NLGN4X: variants seen among roughly 807,000 people sequenced by gnomAD.
NLGN4X encodes neuroligin 4 X-linked.
NLGN4X carries 3 observed loss-of-function variants against 40.3 expected under a neutral mutation model. The observed-to-expected ratio is 0.07, with a 90% confidence interval of 0.03 to 0.19. The LOEUF (loss-of-function observed/expected upper bound fraction) is 0.19, where lower values mean the gene tolerates loss of function less well. Among genes scored for constraint, NLGN4X ranks in the 10% least tolerant of loss-of-function variants. The probability of loss-of-function intolerance (pLI) is 1.00; values close to 1 mark genes in which losing one functional copy is unlikely to be tolerated. For synonymous variants in NLGN4X, 270 were observed against 306.8 expected (o/e 0.88, Z 1.25); for missense variants, 382 against 708.3 (o/e 0.54, Z 5.23).
At chrX:6,045,745 T>C (rs750636651) in intron 2 of NLGN4X, among the ~76,000 whole-genome samples, 1 of 111,919 alleles carries the variant, frequency 8.9e-6, no homozygotes, top group South Asian at 3.7e-4. Flanking sequence ...TATCAACAAA[T>C]AGGAAAAGAA....
chrX:6,050,655 T>A (rs1234300672), intron 2 of NLGN4X, among the ~76,000 whole-genome samples: 1 of 111,644 alleles, frequency 9.0e-6, no homozygotes, highest in Non-Finnish European at 1.9e-5. Flanking sequence ...TCCATCGATC[T>A]ATCATCTATC....
At chrX:6,201,979 G>A (rs776165451) in intron 1 of NLGN4X, among the ~76,000 whole-genome samples, 5 of 111,538 alleles carry the variant, frequency 4.5e-5, no homozygotes, top group Non-Finnish European at 5.6e-5. Flanking sequence ...TTTAGGGAGC[G>A]ACAGTAACTG....
At chrX:5,958,338 T>A (rs2034561425) in intron 3 of NLGN4X, among the ~76,000 whole-genome samples, 1 of 107,904 alleles carries the variant, frequency 9.3e-6, no homozygotes, top group African/African-American at 3.7e-5. Flanking sequence ...CATCTTTTTG[T>A]TAAAAAAAAA....
intron 3 of NLGN4X, among the ~76,000 whole-genome samples, chrX:5,997,563 T>C (rs2035852906): frequency 2.4e-5 from 1 of 41,276 alleles, no homozygotes; most frequent in African/African-American, 9.9e-5. Context: ...TATATAAAAT[T>C]ACATGTGTGT....
chrX:6,106,856 G>A (rs776332172), intron 2 of NLGN4X, among the ~76,000 whole-genome samples: 51 of 111,849 alleles, frequency 4.6e-4, no homozygotes, highest in African/African-American at 1.6e-3. Context: ...AGGAATCAGC[G>A]GTTATGTCAA....
chrX:5,946,899 T>G (rs2034142195), intron 3 of NLGN4X, among the ~76,000 whole-genome samples: 1 of 111,609 alleles, frequency 9.0e-6, no homozygotes, highest in Admixed American at 9.6e-5. Flanking sequence ...TTCTCATCTT[T>G]AGCTCCCACT....
intron 4 of NLGN4X, among the ~76,000 whole-genome samples, chrX:5,906,204 T>C (rs188784899): frequency 1.4e-3 from 156 of 112,244 alleles, no homozygotes; most frequent in African/African-American, 4.8e-3. Context: ...AAAAATGCCA[T>C]AGAAATCTCT....
intron 3 of NLGN4X, among the ~76,000 whole-genome samples, chrX:6,011,478 T>G (rs1391263964): frequency 9.0e-6 from 1 of 110,694 alleles, no homozygotes; most frequent in African/African-American, 3.3e-5. Context: ...TTCTTTATAA[T>G]GGCCATTTTT....
intron 1 of NLGN4X, among the ~76,000 whole-genome samples, chrX:6,199,971 TC>T (rs1923447652): frequency 8.9e-6 from 1 of 112,000 alleles, no homozygotes; most frequent in African/African-American, 3.2e-5. Context: ...ATGAAAGACA[TC>T]CTTCCCTCAG....
intron 2 of NLGN4X, among the ~76,000 whole-genome samples, chrX:6,112,146 A>G (rs1286230783): frequency 8.9e-6 from 1 of 111,866 alleles, no homozygotes; most frequent in East Asian, 2.8e-4. Flanking sequence ...ATTATTTCCT[A>G]CAATCTGTTG....
At chrX:6,036,142 A>G (rs1174163764) in intron 2 of NLGN4X, among the ~76,000 whole-genome samples, 1 of 111,538 alleles carries the variant, frequency 9.0e-6, no homozygotes, top group Non-Finnish European at 1.9e-5. Context: ...CTTGATTACT[A>G]TATCTTTATA....
At chrX:6,194,976 GTTA>G (rs1922908331) in intron 1 of NLGN4X, among the ~76,000 whole-genome samples, 1 of 110,954 alleles carries the variant, frequency 9.0e-6, no homozygotes, top group Admixed American at 9.6e-5. Context: ...AGTAATAATA[GTTA>G]TTTTTTTATT....
At chrX:6,141,736 T>C (rs1382079932) in intron 2 of NLGN4X, among the ~76,000 whole-genome samples, 1 of 110,958 alleles carries the variant, frequency 9.0e-6, no homozygotes, top group Non-Finnish European at 1.9e-5. Context: ...GGAGAATCAC[T>C]TGAACCTGGG....
At chrX:6,002,215 A>T (rs1481125051) in intron 3 of NLGN4X, among the ~76,000 whole-genome samples, 1 of 112,233 alleles carries the variant, frequency 8.9e-6, no homozygotes, top group Non-Finnish European at 1.9e-5. Context: ...AGTATGTGTG[A>T]TAAGGAGTGC....
rs779801167 is a variant in NLGN4X, at chrX:5,989,100, A to T, written c.625+40180T>A. 1.9e-3 allele frequency among the ~76,000 whole-genome samples: 183 copies of T among 96,929 alleles called. 1 individual carries two copies. The highest frequency in any genetic ancestry group is 4.9e-3 in the Middle Eastern group (1 of 203). 84.2% of individuals were successfully genotyped at this position (96,929 alleles called of 115,157 possible). ...TAAAAAAAATAAAAAAAATAAAAAA[A>T]AAAATAAAAAAGAGTTAGTTGAAAC... On this transcript the variant is annotated intron_variant, in intron 3 of 5. Transcript: ENST00000381095.
chrX:6,075,368 C>T (rs981443180), intron 2 of NLGN4X, among the ~76,000 whole-genome samples: 1 of 111,677 alleles, frequency 9.0e-6, no homozygotes, highest in Admixed American at 9.4e-5. Context: ...GAAGATGCAA[C>T]CTGATGCTAT....
At chrX:6,133,061 T>C (rs1354845531) in intron 2 of NLGN4X, among the ~76,000 whole-genome samples, 2 of 111,464 alleles carry the variant, frequency 1.8e-5, no homozygotes, top group Non-Finnish European at 3.8e-5. Context: ...ATTATCGCCA[T>C]AAATTATCAT....
intron 1 of NLGN4X, among the ~76,000 whole-genome samples, chrX:6,191,560 C>T (rs1922538057): frequency 9.0e-6 from 1 of 111,343 alleles, no homozygotes. Context: ...ACTAAAAATA[C>T]AAAAATTAGC....
rs376205061 is a variant in NLGN4X, at chrX:6,112,745, G to A, written c.472+38250C>T. On this transcript the variant is annotated intron_variant, in intron 2 of 5. Coordinates refer to ENST00000381095, the MANE Select transcript of NLGN4X (RefSeq NM_181332.3). Reference sequence around the variant, plus strand: ...ATTACAGGTGTGAGCCACCACACCCGGCCTCCTGCTTTCTTAAGTGTAGGC... The same window carrying A: ...ATTACAGGTGTGAGCCACCACACCCAGCCTCCTGCTTTCTTAAGTGTAGGC... Among the ~76,000 whole-genome samples, 28 of 109,196 alleles carry A rather than the reference G, an allele frequency of 2.6e-4. No homozygotes were observed. The East Asian group carries it at 7.3e-3, about 28-fold the overall frequency. The allele number at this position is 109,196 out of a possible 115,157, so 94.8% of individuals were successfully genotyped here.
Sources: gnomAD v4.1 joint callset for allele counts (sites outside exome capture counted in the v4.1 genomes callset) on GRCh38, gnomAD v4.1.1 for gene constraint, MANE v1.5 for transcripts, NCBI Gene and HGNC (gene_info 2026-07-23, HGNC 2026-07-21) for gene names.